The following ABHD18 variants were observed in gnomAD, a reference collection of about 807,000 sequenced individuals.
The protein encoded by ABHD18 is cardiolipin-specific deacylase, mitochondrial.
In ABHD18, 55 loss-of-function variants were observed where a neutral mutation model predicts 65.9. The ratio of observed to expected loss-of-function variants is 0.84; its 90% CI spans 0.67 to 1.05. The LOEUF (loss-of-function observed/expected upper bound fraction) is 1.05, where lower values mean the gene tolerates loss of function less well. Among genes scored for constraint, ABHD18 ranks in the 50% least tolerant of loss-of-function variants. ABHD18 has a pLI of 0.00. For synonymous variants in ABHD18, 181 were observed against 180.2 expected (o/e 1.00, Z -0.04); for missense variants, 533 against 558.5 (o/e 0.95, Z 0.46).
chr4:128,030,893 A>G, intron 12 of ABHD18: 3 of 1,261,344 alleles, frequency 2.4e-6, no homozygotes, highest in Non-Finnish European at 3.0e-6. Flanking sequence ...TATTATAGGC[A>G]TGCTTTATCG....
At position 128,028,796 on chromosome 4, in the gene ABHD18, T is replaced by A; in HGVS notation, c.1123T>A (p.Ser375Thr). 1 of 1,603,352 alleles carries A rather than the reference T, an allele frequency of 6.2e-7. No individual in the cohort carries two copies. Among genetic ancestry groups the A allele is most frequent in the Non-Finnish European group, 8.5e-7 (1 of 1,176,968 alleles). The part of the protein sequence containing the change: ...EQSRNSLRKE[S>T]LIFMKGVMDE... ...AAGCAGAAACAGTCTTCGGAAAGAG[T>A]CTTTAATATTTATGAAAGGAGTCAT... Residue 375 changes from serine (S) to threonine (T), a missense_variant, in exon 11 of 13, where the codon TCT (serine) becomes ACT (threonine). By Grantham distance (58) the Ser-to-Thr change is moderately conservative (BLOSUM62 1). Around this residue, in one of 3 missense-constraint regions of ABHD18, gnomAD observed 220 missense variants for 226.8 expected, o/e 0.97. Transcript: ENST00000645843.
intron 1 of ABHD18, among the ~76,000 whole-genome samples, chr4:127,971,799 A>G (rs1746876643): frequency 2.0e-5 from 3 of 151,944 alleles, no homozygotes; most frequent in Admixed American, 2.0e-4. Context: ...AAGAGTTGGC[A>G]TCTTATTTGG....
At chr4:128,001,758 T>G (rs1043850921) in intron 4 of ABHD18, 2 of 1,548,206 alleles carry the variant, frequency 1.3e-6, no homozygotes, top group Admixed American at 2.0e-5. Context: ...TTCTTCTACC[T>G]TTGTAGGTAA....
In ABHD18 at chr4:128,037,828, A is replaced by G. The variant is rs1325436647; in HGVS notation, c.*2015A>G. On this transcript the variant is annotated 3_prime_UTR_variant, in exon 13 of 13. Transcript: ENST00000645843. ...ATATTTAAAGTTTTATGTAATAGCTATTAACTCTCTTAAATGGGGTTTATA... is the reference window on the plus strand; with the variant it reads ...ATATTTAAAGTTTTATGTAATAGCTGTTAACTCTCTTAAATGGGGTTTATA... 1 of 145,162 alleles carries G rather than the reference A, an allele frequency of 6.9e-6. No individual in the cohort carries two copies. Among genetic ancestry groups the G allele is most frequent in the Non-Finnish European group, 1.5e-5 (1 of 66,490 alleles). 9.0% of individuals were successfully genotyped at this position (145,162 alleles called of 1,614,324 possible).
At chr4:128,024,753 C>T (rs557350785) in intron 10 of ABHD18, among the ~76,000 whole-genome samples, 6 of 151,736 alleles carry the variant, frequency 4.0e-5, no homozygotes, top group African/African-American at 1.5e-4. Flanking sequence ...AGTGCAGAGG[C>T]ACAATCTTGG....
intron 4 of ABHD18, among the ~76,000 whole-genome samples, chr4:127,996,255 A>T (rs986574983): frequency 6.6e-6 from 1 of 152,180 alleles, no homozygotes; most frequent in East Asian, 1.9e-4. Context: ...TATCGGGGGA[A>T]CCAGCCCCCA....
chr4:127,993,023 A>C (rs1268879967), intron 4 of ABHD18, among the ~76,000 whole-genome samples: 1 of 152,146 alleles, frequency 6.6e-6, no homozygotes, highest in Non-Finnish European at 1.5e-5. Context: ...AGAGTGAGCT[A>C]TAATTTTACC....
In ABHD18 at chr4:128,012,807, T is replaced by G. The variant is rs112170251; in HGVS notation, c.470+1107T>G. Among the ~76,000 whole-genome samples the G allele has an allele frequency of 6.1e-3, 931 of 152,118 alleles. 18 individuals carry two copies. The highest frequency in any genetic ancestry group is 0.021 in the African/African-American group (876 of 41,492). Reference sequence around the variant, plus strand: ...AGGGCTGGCTGCAGTGGCTCACACATGTAATCCCAGCACTTTGGGAGGCCA... The same window carrying G: ...AGGGCTGGCTGCAGTGGCTCACACAGGTAATCCCAGCACTTTGGGAGGCCA... On this transcript the variant is annotated intron_variant, in intron 7 of 12. Transcript: ENST00000645843.
intron 1 of ABHD18, among the ~76,000 whole-genome samples, chr4:127,966,702 CAAAAAAAAAAAAAAAAAAA>C (rs70966065): frequency 8.4e-4 from 18 of 21,540 alleles, no homozygotes; most frequent in South Asian, 5.7e-3. Context: ...ACTAAAAATA[CAAAAAAAAAAAAAAAAAAA>C]AAAAAAAAAA....
intron 4 of ABHD18, among the ~76,000 whole-genome samples, chr4:128,001,172 T>G (rs1290823542): frequency 6.6e-6 from 1 of 152,180 alleles, no homozygotes; most frequent in Non-Finnish European, 1.5e-5. Flanking sequence ...TCCAATACTG[T>G]GTTGAATAGT....
In ABHD18 at chr4:127,984,191, C is replaced by G. The variant is rs565484734; in HGVS notation, c.93-148C>G. The G allele has an allele frequency of 1.5e-4, 73 of 475,250 alleles. No homozygotes were observed. The East Asian group carries it at 1.7e-3, about 11-fold the overall frequency. 29.4% of individuals were successfully genotyped at this position (475,250 alleles called of 1,614,324 possible). On this transcript the variant is annotated intron_variant, in intron 2 of 12. Coordinates refer to ENST00000645843, the MANE Select transcript of ABHD18 (RefSeq NM_001358451.3). The stretch of plus-strand genomic sequence containing the variant: ...GTTTGGGAAAAAACAACAGCCTAAT[C>G]GCTTCAGTGATCAAAATTAAATTTT...
Position 128,038,626 on chromosome 4 carries a change from C to T in ABHD18, c.*2813C>T, listed in dbSNP as rs1052193892. On this transcript the variant is annotated 3_prime_UTR_variant, in exon 13 of 13. Transcript: ENST00000645843. Reference sequence around the variant, plus strand: ...TATCCCTAGGCCGGGTGCAGTGGCTCACACCTGTAATCCCAGCACTTTGGG... The same window carrying T: ...TATCCCTAGGCCGGGTGCAGTGGCTTACACCTGTAATCCCAGCACTTTGGG... The T allele has an allele frequency of 1.3e-5, 2 of 152,186 alleles. No individual in the cohort carries two copies. The highest frequency in any genetic ancestry group is 4.8e-5 in the African/African-American group (2 of 41,430). The allele number at this position is 152,186 out of a possible 1,614,324, so 9.4% of individuals were successfully genotyped here. A position where few individuals can be genotyped will look rare whatever the true frequency, so the allele number is the denominator to read the frequency against.
Position 128,035,933 on chromosome 4 carries a change from C to A in ABHD18, c.*120C>A. ...TATATCTAATCGCTATCAATTTGGT[C>A]TGGAATTCATTGTTACACATCAGTT... On this transcript the variant is annotated 3_prime_UTR_variant, in exon 13 of 13. Transcript: ENST00000645843. 2.0e-6 allele frequency: 1 copy of A among 502,260 alleles called. No homozygotes were observed. The highest frequency in any genetic ancestry group is 4.8e-5 in the South Asian group (1 of 20,810). The allele number at this position is 502,260 out of a possible 1,614,324, so 31.1% of individuals were successfully genotyped here. A position where few individuals can be genotyped will look rare whatever the true frequency, so the allele number is the denominator to read the frequency against.
At chr4:127,989,485 GA>G (rs1323464130) in intron 3 of ABHD18, among the ~76,000 whole-genome samples, 1 of 152,104 alleles carries the variant, frequency 6.6e-6, no homozygotes, top group African/African-American at 2.4e-5. Flanking sequence ...CAATTACCCT[GA>G]TTTGATCATT....
At chr4:128,026,201 T>C (rs980649696) in intron 10 of ABHD18, among the ~76,000 whole-genome samples, 14 of 151,860 alleles carry the variant, frequency 9.2e-5, no homozygotes, top group Non-Finnish European at 1.6e-4. Flanking sequence ...AGGCAGAGAA[T>C]TGCTTGAACC....
At position 127,976,658 on chromosome 4, in the gene ABHD18, A is replaced by G. The variant is rs557617028; in HGVS notation, c.-17-6281A>G. ...ATATTAAAATGGAAACTAAAATTTT[A>G]TGTTTATATCATCTATTTATTGTTT... On this transcript the variant is annotated intron_variant, in intron 1 of 12. Coordinates refer to ENST00000645843, the MANE Select transcript of ABHD18 (RefSeq NM_001358451.3). 2.0e-5 allele frequency among the ~76,000 whole-genome samples: 3 copies of G among 152,314 alleles called. No individual in the cohort carries two copies. The East Asian group carries it at 5.8e-4, about 29-fold the overall frequency.
chr4:127,967,100 T>A (rs142578466), intron 1 of ABHD18, among the ~76,000 whole-genome samples: 78 of 152,104 alleles, frequency 5.1e-4, no homozygotes, highest in African/African-American at 1.9e-3. Context: ...TTGTCTTTTT[T>A]AATTCCTGGG....
At chr4:128,022,486 C>T (rs1756663193) in intron 10 of ABHD18, among the ~76,000 whole-genome samples, 1 of 152,136 alleles carries the variant, frequency 6.6e-6, no homozygotes, top group African/African-American at 2.4e-5. Context: ...ATATAGGAAA[C>T]ACATAATATC....
At chr4:127,978,512 A>G (rs1748399812) in intron 1 of ABHD18, among the ~76,000 whole-genome samples, 1 of 152,186 alleles carries the variant, frequency 6.6e-6, no homozygotes, top group Admixed American at 6.5e-5. Context: ...TTGTAAAATT[A>G]ATGGAATGGT....
Sources: gnomAD v4.1 joint callset for allele counts (sites outside exome capture counted in the v4.1 genomes callset) on GRCh38, gnomAD v4.1.1 for gene constraint, gnomAD v4.1.1 regional missense constraint, MANE v1.5 for transcripts, NCBI Gene and HGNC (gene_info 2026-07-23, HGNC 2026-07-21) for gene names.